The following FRMD4A variants were observed in gnomAD, a reference collection of about 807,000 sequenced individuals.
FRMD4A encodes the protein FERM domain containing 4A, also known as FERM domain-containing protein 4A.
In FRMD4A, 29 loss-of-function variants were observed where a neutral mutation model predicts 129.1. The observed-to-expected ratio is 0.22, with a 90% CI of 0.17 to 0.31. The LOEUF (loss-of-function observed/expected upper bound fraction) is 0.31. Ranked by LOEUF, FRMD4A falls within the 10% of genes least tolerant of loss-of-function variation. FRMD4A has a pLI of 1.00. For synonymous variants in FRMD4A, 634 were observed against 571.6 expected (o/e 1.11, Z -1.56); for missense variants, 1,272 against 1,375.8 (o/e 0.92, Z 1.19).
chr10:14,311,580 C>T (rs535332371), intron 2 of FRMD4A, among the ~76,000 whole-genome samples: 1 of 139,538 alleles, frequency 7.2e-6, no homozygotes, highest in Admixed American at 7.4e-5. Flanking sequence ...CCCACCCACA[C>T]TCATTTCTGC....
At chr10:13,940,486 T>A (rs2095282878) in intron 2 of FRMD4A, among the ~76,000 whole-genome samples, 2 of 152,210 alleles carry the variant, frequency 1.3e-5, no homozygotes, top group Admixed American at 6.5e-5. Flanking sequence ...CCATACATGT[T>A]ATTTCTTGTC....
At chr10:14,304,060 G>A (rs1246460033) in intron 2 of FRMD4A, among the ~76,000 whole-genome samples, 1 of 152,100 alleles carries the variant, frequency 6.6e-6, no homozygotes, top group East Asian at 1.9e-4. Flanking sequence ...AGTTGCTTCT[G>A]CCTTTTGGCC....
At chr10:14,194,594 C>G (rs10737084) in intron 2 of FRMD4A, among the ~76,000 whole-genome samples, 144,117 of 152,194 alleles carry the variant, frequency 0.95, 68,627 homozygotes, top group Non-Finnish European at 1. Context: ...CTGGGCGACA[C>G]AGCGAGACTC....
At chr10:13,808,664 T>C (rs1014221937) in intron 4 of FRMD4A, among the ~76,000 whole-genome samples, 17 of 152,128 alleles carry the variant, frequency 1.1e-4, no homozygotes, top group Non-Finnish European at 2.5e-4. Context: ...GCTCTTCACC[T>C]CCTCTGGGCT....
intron 14 of FRMD4A, among the ~76,000 whole-genome samples, chr10:13,696,866 C>T (rs1261932869): frequency 1.3e-5 from 2 of 152,216 alleles, no homozygotes; most frequent in East Asian, 3.8e-4. Flanking sequence ...TTAAAACCCA[C>T]ATCCCAGAGT....
chr10:14,180,386 C>G (rs780161528), intron 2 of FRMD4A, among the ~76,000 whole-genome samples: 1 of 152,072 alleles, frequency 6.6e-6, no homozygotes, highest in Non-Finnish European at 1.5e-5. Context: ...CTCTTTTTCC[C>G]CAAGTATGGA....
At chr10:13,841,263 A>G (rs73583979) in intron 3 of FRMD4A, among the ~76,000 whole-genome samples, 3,658 of 152,318 alleles carry the variant, frequency 0.024, 167 homozygotes, top group African/African-American at 0.082. Context: ...CTATTTTAAA[A>G]TAAAGAATTT....
intron 2 of FRMD4A, among the ~76,000 whole-genome samples, chr10:14,041,236 T>C (rs956182096): frequency 1.3e-4 from 20 of 152,242 alleles, no homozygotes; most frequent in African/African-American, 4.8e-4. Flanking sequence ...AAAACAGAGC[T>C]CTTTCTGTGC....
At chr10:14,272,210 T>C (rs994376025) in intron 2 of FRMD4A, among the ~76,000 whole-genome samples, 1 of 152,110 alleles carries the variant, frequency 6.6e-6, no homozygotes, top group African/African-American at 2.4e-5. Context: ...TAGGAAAGCA[T>C]AGTTGCCAAG....
intron 2 of FRMD4A, among the ~76,000 whole-genome samples, chr10:14,168,222 G>T (rs74348811): frequency 6.6e-6 from 1 of 152,104 alleles, no homozygotes; most frequent in Admixed American, 6.5e-5. Flanking sequence ...ACTAACAACC[G>T]GTTCTGGGGT....
chr10:13,994,013 CTTT>C (rs551387633), intron 2 of FRMD4A, among the ~76,000 whole-genome samples: 1 of 134,576 alleles, frequency 7.4e-6, no homozygotes, highest in Non-Finnish European at 1.6e-5. Context: ...TGGGACAGTC[CTTT>C]TTTTTTTTTT....
chr10:13,781,117 A>G (rs2092721075), intron 6 of FRMD4A, among the ~76,000 whole-genome samples: 1 of 151,968 alleles, frequency 6.6e-6, no homozygotes, highest in Admixed American at 6.6e-5. Flanking sequence ...AGCCTGGCCA[A>G]CATGGTGAAA....
chr10:13,739,126 C>A (rs112108996), intron 11 of FRMD4A, among the ~76,000 whole-genome samples: 3 of 152,266 alleles, frequency 2.0e-5, no homozygotes, highest in African/African-American at 4.8e-5. Context: ...ACTGGCATCA[C>A]GGTTTTGAAA....
intron 4 of FRMD4A, among the ~76,000 whole-genome samples, chr10:13,800,226 G>C (rs191904975): frequency 2.2e-4 from 34 of 152,136 alleles, no homozygotes; most frequent in African/African-American, 7.9e-4. Flanking sequence ...ATCTCTCAAC[G>C]ATCAGTTTTC....
chr10:13,783,268 T>C (rs972361237), intron 5 of FRMD4A, among the ~76,000 whole-genome samples: 1 of 152,256 alleles, frequency 6.6e-6, no homozygotes, highest in Non-Finnish European at 1.5e-5. Context: ...AAGAACAAAT[T>C]CTAAAACTAG....
intron 23 of FRMD4A, among the ~76,000 whole-genome samples, chr10:13,653,607 CCT>C (rs1382929506): frequency 2.6e-5 from 4 of 152,250 alleles, no homozygotes; most frequent in Non-Finnish European, 5.9e-5. Flanking sequence ...CAGACATCCC[CCT>C]GATGCTCCAC....
chr10:13,958,611 T>C lies in FRMD4A; in HGVS notation c.46-99699A>G, dbSNP rs567143645. On this transcript the variant is annotated intron_variant, in intron 2 of 24. Coordinates refer to ENST00000357447, the MANE Select transcript of FRMD4A (RefSeq NM_018027.5). ...GTCTTTCTTTCTTTCTTTTTTTTTT[T>C]CCCCGCTCTTCTTGCCCAGGCTGGA... Among the ~76,000 whole-genome samples, 251 of 132,498 alleles carry C rather than the reference T, an allele frequency of 1.9e-3. 1 individual carries two copies. The highest frequency in any genetic ancestry group is 6.1e-3 in the African/African-American group (212 of 34,884). The allele number at this position is 132,498 out of a possible 152,430, so 86.9% of individuals were successfully genotyped here.
rs1348281527 is a variant in FRMD4A, at chr10:13,657,437, G to C, written c.2152C>G (p.Leu718Val). Residue 718 changes from leucine to valine, a missense_variant, in exon 22 of 25, where the codon CTC becomes GTC. Leu to Val is a conservative substitution (Grantham distance 32). Around this residue, in one of 2 missense-constraint regions of FRMD4A, gnomAD observed 972 missense variants for 892.3 expected, o/e 1.09. Coordinates refer to ENST00000357447, the MANE Select transcript of FRMD4A (RefSeq NM_018027.5). Reference sequence around the variant, plus strand: ...CCGGTGTCGTTTTCCGAGCCCAGGAGCTTGCCCTGGGACTCCAGGCTGGAG... The same window carrying C: ...CCGGTGTCGTTTTCCGAGCCCAGGACCTTGCCCTGGGACTCCAGGCTGGAG... ...RSSSLESQGK[L>V]LGSENDTGSP... The C allele has an allele frequency of 6.2e-7, 1 of 1,612,656 alleles. No homozygotes were observed. Among genetic ancestry groups the C allele is most frequent in the South Asian group, 1.1e-5 (1 of 91,074 alleles).
intron 15 of FRMD4A, among the ~76,000 whole-genome samples, chr10:13,691,427 C>G (rs991388321): frequency 6.6e-6 from 1 of 152,106 alleles, no homozygotes; most frequent in Non-Finnish European, 1.5e-5. Context: ...CAAGGGGGCC[C>G]GTGCAGATGG....
Sources: allele counts gnomAD v4.1 joint callset (sites outside exome capture counted in the v4.1 genomes callset), GRCh38; gene constraint gnomAD v4.1.1; regional missense constraint gnomAD v4.1.1; transcripts MANE v1.5; gene names NCBI Gene and HGNC (gene_info 2026-07-23, HGNC 2026-07-21).